CACNA2D3: variants seen among roughly 807,000 people sequenced by gnomAD.
The protein encoded by CACNA2D3 is voltage-dependent calcium channel subunit alpha-2/delta-3.
Under a neutral mutation model 160.6 loss-of-function variants are expected in CACNA2D3, and 60 were observed. The ratio of observed to expected loss-of-function variants is 0.37; its 90% CI spans 0.30 to 0.46. CACNA2D3 has a LOEUF of 0.46. CACNA2D3 is among the 20% of genes least tolerant of loss of function. The pLI is 1.00. For missense variants in CACNA2D3, 1,205 were observed against 1,365.0 expected, an observed-to-expected ratio of 0.88 and a Z score of 1.85; for synonymous variants, 558 against 492.9, an observed-to-expected ratio of 1.13 and a Z score of -1.75.
intron 14 of CACNA2D3, among the ~76,000 whole-genome samples, chr3:54,833,613 T>C (rs1335544432): frequency 6.6e-6 from 1 of 151,980 alleles, no homozygotes; most frequent in Non-Finnish European, 1.5e-5. Context: ...AAACTTGCCA[T>C]TGACTGCTAT....
At chr3:54,186,759 A>G (rs1189725715) in intron 2 of CACNA2D3, among the ~76,000 whole-genome samples, 1 of 152,144 alleles carries the variant, frequency 6.6e-6, no homozygotes, top group Non-Finnish European at 1.5e-5. Context: ...AGTTAATATT[A>G]AAATAAAGTG....
At chr3:54,149,879 ATCTGTCTC>A (rs1559863243) in intron 2 of CACNA2D3, among the ~76,000 whole-genome samples, 1 of 91,180 alleles carries the variant, frequency 1.1e-5, no homozygotes, top group Admixed American at 1.2e-4. Context: ...GTCCTGAAGT[ATCTGTCTC>A]TCTCTCTCTC....
rs115863251 is a variant in CACNA2D3 at position 54,256,901 on chromosome 3, G to C, written c.205-63541G>C. Among the ~76,000 whole-genome samples the C allele has an allele frequency of 3.9e-3, 590 of 152,272 alleles. 2 individuals carry two copies. Among genetic ancestry groups the C allele is most frequent in the Non-Finnish European group, 6.9e-3 (470 of 68,022 alleles). On this transcript the variant is annotated intron_variant, in intron 2 of 37. Coordinates refer to ENST00000474759, the MANE Select transcript of CACNA2D3 (RefSeq NM_018398.3). Reference sequence around the variant, plus strand: ...ACAGGATACAATAGAAGTATGGAGGGTAGTTTTCCACATTATTTGTCGCAC... The same window carrying C: ...ACAGGATACAATAGAAGTATGGAGGCTAGTTTTCCACATTATTTGTCGCAC...
chr3:54,446,194 T>A (rs1323285543), intron 4 of CACNA2D3, among the ~76,000 whole-genome samples: 5 of 152,224 alleles, frequency 3.3e-5, no homozygotes, highest in Non-Finnish European at 7.4e-5. Context: ...AACCTTCATG[T>A]CTCCTAACGA....
chr3:54,251,403 A>G (rs528215951), intron 2 of CACNA2D3, among the ~76,000 whole-genome samples: 6 of 152,352 alleles, frequency 3.9e-5, no homozygotes, highest in Admixed American at 1.3e-4. Flanking sequence ...AACAGATAAC[A>G]AGTATATCTG....
intron 31 of CACNA2D3, among the ~76,000 whole-genome samples, chr3:55,001,062 C>T (rs1702971339): frequency 6.6e-6 from 1 of 152,144 alleles, no homozygotes; most frequent in Non-Finnish European, 1.5e-5. Context: ...TATAATCTAT[C>T]TTATAGGGAT....
chr3:54,730,799 G>T (rs370387974), intron 11 of CACNA2D3, among the ~76,000 whole-genome samples: 20 of 152,076 alleles, frequency 1.3e-4, no homozygotes, highest in African/African-American at 4.6e-4. Context: ...CACTGTGCCC[G>T]CCCGAAACAG....
At chr3:54,415,039 T>G (rs1040320028) in intron 4 of CACNA2D3, among the ~76,000 whole-genome samples, 1 of 152,068 alleles carries the variant, frequency 6.6e-6, no homozygotes, top group Non-Finnish European at 1.5e-5. Flanking sequence ...AAGGGGGCAT[T>G]TGGGGACACC....
chr3:54,814,500 G>T (rs1010420813), intron 13 of CACNA2D3, among the ~76,000 whole-genome samples: 1 of 152,230 alleles, frequency 6.6e-6, no homozygotes. Context: ...CCCAGCAGCA[G>T]CATCTGTGGC....
At chr3:54,208,165 G>A (rs1427634588) in intron 2 of CACNA2D3, among the ~76,000 whole-genome samples, 1 of 152,144 alleles carries the variant, frequency 6.6e-6, no homozygotes, top group Non-Finnish European at 1.5e-5. Flanking sequence ...GAGTGCAATG[G>A]TGCGATCTCG....
intron 3 of CACNA2D3, among the ~76,000 whole-genome samples, chr3:54,349,107 T>C (rs899559227): frequency 7.2e-5 from 11 of 151,904 alleles, no homozygotes; most frequent in African/African-American, 2.7e-4. Flanking sequence ...AGAGAGAAAA[T>C]GGGTCTGGGG....
In CACNA2D3 at chr3:54,810,573, C is replaced by T. The variant is rs570812054; in HGVS notation, c.1381-6280C>T. On this transcript the variant is annotated intron_variant, in intron 13 of 37. Coordinates refer to ENST00000474759, the MANE Select transcript of CACNA2D3 (RefSeq NM_018398.3). The stretch of plus-strand genomic sequence containing the variant: ...GGATTGATCATTCATTCATGAGGCC[C>T]GAGGCAAAGGGCCAGTTTTACAAAT... Among the ~76,000 whole-genome samples the T allele has an allele frequency of 1.2e-4, 18 of 152,210 alleles. No homozygotes were observed. The East Asian group carries it at 2.3e-3, about 20-fold the overall frequency.
chr3:54,993,854 CTT>C (rs60130693), intron 31 of CACNA2D3, among the ~76,000 whole-genome samples: 55 of 114,596 alleles, frequency 4.8e-4, no homozygotes, highest in Admixed American at 8.7e-4. Context: ...CTCTCTCTCT[CTT>C]TTTTTTTTTT....
intron 17 of CACNA2D3, among the ~76,000 whole-genome samples, chr3:54,851,731 A>T (rs1326985973): frequency 6.6e-6 from 1 of 152,254 alleles, no homozygotes. Flanking sequence ...AATACAAAAG[A>T]AACAAGTGAA....
chr3:54,996,837 C>T (rs565313452), intron 31 of CACNA2D3, among the ~76,000 whole-genome samples: 3 of 152,268 alleles, frequency 2.0e-5, no homozygotes, highest in East Asian at 3.9e-4. Context: ...GAATACTATG[C>T]AGCCATATAA....
intron 9 of CACNA2D3, among the ~76,000 whole-genome samples, chr3:54,594,986 T>A (rs1051583378): frequency 2.6e-5 from 4 of 152,156 alleles, no homozygotes; most frequent in Admixed American, 2.6e-4. Flanking sequence ...GCAGGTAGAG[T>A]TACCTTTCCG....
At chr3:54,708,659 G>A (rs986383925) in intron 11 of CACNA2D3, among the ~76,000 whole-genome samples, 9 of 152,190 alleles carry the variant, frequency 5.9e-5, no homozygotes, top group African/African-American at 2.2e-4. Flanking sequence ...TCTTTTAGAG[G>A]AGAATGCTTT....
chr3:54,533,182 T>A (rs1428559009), intron 5 of CACNA2D3, among the ~76,000 whole-genome samples: 1 of 152,122 alleles, frequency 6.6e-6, no homozygotes, highest in Non-Finnish European at 1.5e-5. Context: ...TCCTGAAAGC[T>A]TCTCAAATCC....
chr3:54,199,004 T>G (rs914528496), intron 2 of CACNA2D3, among the ~76,000 whole-genome samples: 1 of 152,260 alleles, frequency 6.6e-6, no homozygotes, highest in Admixed American at 6.5e-5. Context: ...TTTTCTTTTC[T>G]CATCATTTCT....
Sources: allele counts gnomAD v4.1 joint callset (sites outside exome capture counted in the v4.1 genomes callset), GRCh38; gene constraint gnomAD v4.1.1; transcripts MANE v1.5; gene names NCBI Gene and HGNC (gene_info 2026-07-23, HGNC 2026-07-21).